The following DNAH6 variants were observed in gnomAD, a reference collection of about 807,000 sequenced individuals.
DNAH6 encodes axonemal beta dynein heavy chain 6.
In DNAH6, 340 loss-of-function variants were observed where a neutral mutation model predicts 491.4. The observed-to-expected ratio is 0.69, with a 90% CI of 0.63 to 0.76. The LOEUF is 0.76. Ranked by LOEUF, DNAH6 falls within the 30% of genes least tolerant of loss-of-function variation. The pLI, the probability that DNAH6 is intolerant of heterozygous loss-of-function variation, is 0.00. For missense variants in DNAH6, 4,443 were observed against 4,972.2 expected (o/e 0.89, Z 3.20); for synonymous variants, 1,603 against 1,686.1 (o/e 0.95, Z 1.21).
At chr2:84,620,898 T>A (rs1687333928) in intron 24 of DNAH6, among the ~76,000 whole-genome samples, 1 of 152,122 alleles carries the variant, frequency 6.6e-6, no homozygotes, top group Non-Finnish European at 1.5e-5. Context: ...ATAGAAGTGA[T>A]CAGGGACAAA....
At chr2:84,785,516 T>G in intron 66 of DNAH6, 94 bp from the exon 67 acceptor site, 2 of 1,265,136 alleles carry the variant, frequency 1.6e-6, no homozygotes, top group Non-Finnish European at 2.1e-6. Context: ...GCAATCTACA[T>G]CATTTCAATG....
intron 70 of DNAH6, among the ~76,000 whole-genome samples, chr2:84,802,502 G>A (rs1192388): frequency 0.25 from 38,191 of 151,970 alleles, 5,428 homozygotes; most frequent in African/African-American, 0.41. Flanking sequence ...AAGAAGATTT[G>A]ATGATCCTAA....
chr2:84,804,452 A>G (rs1282508895), intron 70 of DNAH6, among the ~76,000 whole-genome samples: 2 of 152,104 alleles, frequency 1.3e-5, no homozygotes. Flanking sequence ...TTATGCACAT[A>G]TATACAGAAA....
At chr2:84,786,424 C>CAAAAAAAA (rs34307388) in intron 67 of DNAH6, among the ~76,000 whole-genome samples, 3 of 88,778 alleles carry the variant, frequency 3.4e-5, no homozygotes, top group Non-Finnish European at 7.6e-5. Flanking sequence ...GACTCTGTCT[C>CAAAAAAAA]AAAAAAAAAA....
chr2:84,487,266 A>C, the DNAH6 span, among the ~76,000 whole-genome samples: 1 of 152,212 alleles, frequency 6.6e-6, no homozygotes. Flanking sequence ...GTCCAGAACT[A>C]TTTCGAGGAT....
intron 42 of DNAH6, among the ~76,000 whole-genome samples, chr2:84,683,952 G>T (rs530908777): frequency 1.8e-4 from 27 of 152,200 alleles, no homozygotes; most frequent in African/African-American, 6.5e-4. Flanking sequence ...AGGAGCTTAG[G>T]CATTAAGAAC....
intron 14 of DNAH6, among the ~76,000 whole-genome samples, chr2:84,583,106 A>G (rs1408784668): frequency 2.0e-5 from 3 of 152,244 alleles, no homozygotes; most frequent in African/African-American, 4.8e-5. Flanking sequence ...AAGACAAGCA[A>G]TACTGTCCAC....
At chr2:84,541,971 GCT>G (rs1331361684) in intron 4 of DNAH6, among the ~76,000 whole-genome samples, 2 of 152,146 alleles carry the variant, frequency 1.3e-5, no homozygotes, top group Non-Finnish European at 2.9e-5. Context: ...CTTTGAAAGG[GCT>G]CTCGTGTGTT....
chr2:84,705,447 T>C, intron 51 of DNAH6, 39 bp from the exon 52 acceptor site: 1 of 1,478,760 alleles, frequency 6.8e-7, no homozygotes, highest in Non-Finnish European at 9.0e-7. Flanking sequence ...TTATATTACT[T>C]CATTTCAGTG....
intron 63 of DNAH6, among the ~76,000 whole-genome samples, chr2:84,762,057 C>T (rs1242158964): frequency 6.6e-6 from 1 of 152,000 alleles, no homozygotes; most frequent in East Asian, 1.9e-4. Flanking sequence ...TGGGGAGGGA[C>T]AAGGCCAGCA....
intron 63 of DNAH6, among the ~76,000 whole-genome samples, chr2:84,759,216 A>C (rs1157481903): frequency 6.6e-6 from 1 of 152,118 alleles, no homozygotes; most frequent in Non-Finnish European, 1.5e-5. Flanking sequence ...CCAAAAAAAA[A>C]AAAATACCTG....
At chr2:84,509,672 A>G in the DNAH6 span, among the ~76,000 whole-genome samples, 11 of 152,168 alleles carry the variant, frequency 7.2e-5, no homozygotes, top group Non-Finnish European at 1.3e-4. Context: ...CCTAGCCTCG[A>G]TGGTCTTTAC....
intron 26 of DNAH6, among the ~76,000 whole-genome samples, chr2:84,622,517 G>A (rs187494234): frequency 6.6e-6 from 1 of 152,186 alleles, no homozygotes; most frequent in East Asian, 1.9e-4. Context: ...GCCTCCCAAA[G>A]TGCTGGATTA....
intron 62 of DNAH6, among the ~76,000 whole-genome samples, chr2:84,744,504 T>G (rs946183655): frequency 2.0e-5 from 3 of 152,226 alleles, no homozygotes; most frequent in Non-Finnish European, 2.9e-5. Context: ...AATGTAAATA[T>G]GTCAACGTAT....
intron 37 of DNAH6, among the ~76,000 whole-genome samples, chr2:84,663,574 C>T (rs1691760727): frequency 6.6e-6 from 1 of 152,220 alleles, no homozygotes; most frequent in Admixed American, 6.5e-5. Flanking sequence ...ATGAACAAAG[C>T]CTCCAAGATA....
At chr2:84,502,118 T>G in the DNAH6 span, among the ~76,000 whole-genome samples, 30 of 152,294 alleles carry the variant, frequency 2.0e-4, no homozygotes, top group African/African-American at 7.0e-4. Context: ...CATCATTAGA[T>G]TGTTTATTTG....
chr2:84,642,257 C>A (rs919725799), intron 33 of DNAH6, among the ~76,000 whole-genome samples: 7 of 152,060 alleles, frequency 4.6e-5, no homozygotes, highest in African/African-American at 1.7e-4. Flanking sequence ...GTTTTTTTAT[C>A]AAAATATTTA....
intron 63 of DNAH6, among the ~76,000 whole-genome samples, chr2:84,761,706 C>A (rs1359345017): frequency 2.0e-5 from 3 of 151,958 alleles, no homozygotes; most frequent in Non-Finnish European, 4.4e-5. Context: ...AAGTTGGCCA[C>A]AGAAGGGTGT....
At chr2:84,542,549 T>C (rs2104515067) in intron 4 of DNAH6, among the ~76,000 whole-genome samples, 1 of 152,224 alleles carries the variant, frequency 6.6e-6, no homozygotes, top group East Asian at 1.9e-4. Flanking sequence ...GGAGGGACTA[T>C]TCCTCTCCCA....
Sources: gnomAD v4.1 joint callset for allele counts (sites outside exome capture counted in the v4.1 genomes callset) on GRCh38, gnomAD v4.1.1 for gene constraint, MANE v1.5 for transcripts, NCBI Gene and HGNC (gene_info 2026-07-23, HGNC 2026-07-21) for gene names.